Variants in NAPEPLD observed in about 807,000 individuals in gnomAD.
The protein encoded by NAPEPLD is N-acyl phosphatidylethanolamine phospholipase D, also known as N-acyl-phosphatidylethanolamine-hydrolyzing phospholipase D.
Under a neutral mutation model 38.1 loss-of-function variants are expected in NAPEPLD, and 23 were observed. That is an observed-to-expected ratio of 0.60 (90% CI 0.43 to 0.86). The LOEUF (loss-of-function observed/expected upper bound fraction) is 0.86. Among genes scored for constraint, NAPEPLD ranks in the 40% least tolerant of loss-of-function variants. The pLI, the probability that NAPEPLD is intolerant of heterozygous loss-of-function variation, is 0.00. For missense variants in NAPEPLD, 411 were observed against 476.8 expected (o/e 0.86, Z 1.28); for synonymous variants, 147 against 162.0 (o/e 0.91, Z 0.71).
chr7:103,112,108 T>C (rs2129527538), intron 4 of NAPEPLD, among the ~76,000 whole-genome samples: 1 of 152,176 alleles, frequency 6.6e-6, no homozygotes, highest in East Asian at 1.9e-4. Context: ...AGGAAACAGA[T>C]GCTGGAGTGG....
intron 4 of NAPEPLD, among the ~76,000 whole-genome samples, chr7:103,114,441 A>G (rs1020215619): frequency 1.4e-4 from 21 of 152,138 alleles, no homozygotes; most frequent in African/African-American, 5.1e-4. Context: ...AAAGTTCCAC[A>G]CTAGCCTTAC....
chr7:103,122,045 G>A (rs1806805336), intron 2 of NAPEPLD, among the ~76,000 whole-genome samples: 2 of 151,978 alleles, frequency 1.3e-5, no homozygotes, highest in Non-Finnish European at 2.9e-5. Context: ...CTATAAAGAT[G>A]GGAACACATT....
At chr7:103,119,488 TAC>T in intron 3 of NAPEPLD, 87 bp downstream of exon 3, 2 of 1,424,514 alleles carry the variant, frequency 1.4e-6, no homozygotes, top group Non-Finnish European at 1.9e-6. Flanking sequence ...AATCATAAAT[TAC>T]AGTGTCACAA....
chr7:103,133,924 A>T (rs1809501553), intron 1 of NAPEPLD, among the ~76,000 whole-genome samples: 1 of 152,238 alleles, frequency 6.6e-6, no homozygotes, highest in Non-Finnish European at 1.5e-5. Flanking sequence ...TCAATTTAAG[A>T]TCCATGAATT....
rs1384002426 is a variant in NAPEPLD at position 103,128,427 on chromosome 7, C to T, written c.294+56G>A. The T allele has an allele frequency of 5.7e-6, 9 of 1,580,016 alleles. No homozygotes were observed. In the African/African-American group the frequency reaches 1.2e-4, roughly 21 times the overall value. On this transcript the variant is annotated intron_variant, in intron 2 of 4. Transcript: ENST00000465647. ...TTATGATATACAAGGGCTCAAATAA[C>T]TAGAGTGTCATATATGAAGAGCAAA... is the stretch of plus-strand genomic sequence containing the variant.
At chr7:103,120,845 G>A (rs1416837073) in intron 2 of NAPEPLD, among the ~76,000 whole-genome samples, 2 of 150,872 alleles carry the variant, frequency 1.3e-5, no homozygotes, top group Admixed American at 6.7e-5. Context: ...TCTCAGCTGG[G>A]ATCACAGGCA....
intron 4 of NAPEPLD, among the ~76,000 whole-genome samples, chr7:103,108,684 C>T (rs4295594): frequency 0.88 from 133,227 of 152,148 alleles, 61,050 homozygotes; most frequent in East Asian, 1. Flanking sequence ...CTGCATTAAC[C>T]AACAAGCAAA....
At chr7:103,149,625 G>A (rs1230625896), upstream of NAPEPLD, 6 of 510,550 alleles carry the variant, frequency 1.2e-5, no homozygotes, top group East Asian at 3.0e-4. Flanking sequence ...AAGCCATCTT[G>A]GTAAAGGAAG....
At position 103,135,757 on chromosome 7, in the gene NAPEPLD, ATATC is replaced by A. The variant is rs1399427520; in HGVS notation, c.-16-6969_-16-6966del. On this transcript the variant is annotated intron_variant, in intron 1 of 4. Transcript: ENST00000465647. The stretch of plus-strand genomic sequence containing the variant: ...TACATATAAATCTATATATATATAT[ATATC>A]ACCAAACAATTTATCTTCACTAGAG... 5.3e-5 allele frequency among the ~76,000 whole-genome samples: 8 copies of A among 152,012 alleles called. No individual in the cohort carries two copies. In the East Asian group the frequency reaches 1.5e-3, roughly 29 times the overall value.
intron 1 of NAPEPLD, among the ~76,000 whole-genome samples, chr7:103,140,034 A>G (rs1810894783): frequency 6.6e-6 from 1 of 152,214 alleles, no homozygotes; most frequent in Non-Finnish European, 1.5e-5. Context: ...GGTTATCAGG[A>G]AAAACCACAT....
At chr7:103,108,804 TAA>T (rs1350510616) in intron 4 of NAPEPLD, among the ~76,000 whole-genome samples, 1 of 152,072 alleles carries the variant, frequency 6.6e-6, no homozygotes, top group African/African-American at 2.4e-5. Context: ...GTAAACTGGA[TAA>T]AGAGTCAAGA....
At chr7:103,139,623 C>A (rs1810800124) in intron 1 of NAPEPLD, among the ~76,000 whole-genome samples, 1 of 152,150 alleles carries the variant, frequency 6.6e-6, no homozygotes, top group Admixed American at 6.5e-5. Context: ...TGGAAAGAAA[C>A]AAAGTCACTA....
At chr7:103,143,583 T>G (rs1280375365) in intron 1 of NAPEPLD, among the ~76,000 whole-genome samples, 2 of 152,146 alleles carry the variant, frequency 1.3e-5, no homozygotes, top group African/African-American at 4.8e-5. Context: ...TTCTTCTCGA[T>G]TTGTCCTGCA....
intron 1 of NAPEPLD, among the ~76,000 whole-genome samples, chr7:103,143,811 G>T (rs761146326): frequency 5.3e-5 from 8 of 152,184 alleles, no homozygotes; most frequent in Non-Finnish European, 1.0e-4. Context: ...TTCAGGTTTA[G>T]GGGAGCTATA....
intron 2 of NAPEPLD, among the ~76,000 whole-genome samples, chr7:103,121,797 G>T (rs1288270810): frequency 6.6e-6 from 1 of 152,030 alleles, no homozygotes; most frequent in Non-Finnish European, 1.5e-5. Context: ...CTTTGAAAGG[G>T]TGTGGTACTG....
chr7:103,147,010 A>T (rs1170223249), intron 1 of NAPEPLD, among the ~76,000 whole-genome samples: 2 of 152,226 alleles, frequency 1.3e-5, no homozygotes, highest in Non-Finnish European at 2.9e-5. Context: ...TAACCAGCTG[A>T]GGTTGCAGAA....
At chr7:103,109,378 A>C (rs117566266) in intron 4 of NAPEPLD, among the ~76,000 whole-genome samples, 4,726 of 152,322 alleles carry the variant, frequency 0.031, 134 homozygotes, top group East Asian at 0.15. Flanking sequence ...AAAGGAAATC[A>C]TAACAGTCTC....
chr7:103,130,304 T>C (rs1405262744), intron 1 of NAPEPLD, among the ~76,000 whole-genome samples: 2 of 152,168 alleles, frequency 1.3e-5, no homozygotes, highest in Admixed American at 6.6e-5. Context: ...TAGAGAAGAA[T>C]CACTGTGAAG....
rs769769155 is a variant in NAPEPLD, at chr7:103,120,176, G to A, written c.342C>T (p.Asn114=). The A allele has an allele frequency of 1.9e-6, 3 of 1,614,110 alleles. No homozygotes were observed. The highest frequency in any genetic ancestry group is 1.3e-5 in the African/African-American group (1 of 75,006). The change falls in exon 3 of 5, where the codon AAC becomes AAT. Residue 114 remains asparagine (N), a synonymous_variant. Coordinates refer to ENST00000465647, the MANE Select transcript of NAPEPLD (RefSeq NM_001122838.3). The part of the protein sequence containing the change: ...LPVLKPYFIT[N]PEEAGVREAG... ...CTTCCCTCACTCCAGCTTCTTCAGG[G>A]TTAGTGATAAAATATGGCTTAAGCA...
Sources: gnomAD v4.1 joint callset for allele counts (sites outside exome capture counted in the v4.1 genomes callset) on GRCh38, gnomAD v4.1.1 for gene constraint, MANE v1.5 for transcripts, NCBI Gene and HGNC (gene_info 2026-07-23, HGNC 2026-07-21) for gene names.